The following ESRRG variants were observed in gnomAD, a reference collection of about 807,000 sequenced individuals.
The protein encoded by ESRRG is estrogen related receptor gamma.
In ESRRG, 13 loss-of-function variants were observed where a neutral mutation model predicts 44.0. The observed-to-expected ratio is 0.30, with a 90% CI of 0.19 to 0.47. The LOEUF is 0.47. Among genes scored for constraint, ESRRG ranks in the 20% least tolerant of loss-of-function variants. The probability of loss-of-function intolerance (pLI) is 1.00; values close to 1 mark genes in which losing one functional copy is unlikely to be tolerated. For missense variants in ESRRG, 395 were observed against 580.6 expected, an observed-to-expected ratio of 0.68 and a Z score of 3.29; for synonymous variants, 215 against 214.6, an observed-to-expected ratio of 1.00 and a Z score of -0.02.
At chr1:216,546,955 A>T (rs1440815970) in intron 5 of ESRRG, among the ~76,000 whole-genome samples, 1 of 151,448 alleles carries the variant, frequency 6.6e-6, no homozygotes, top group Non-Finnish European at 1.5e-5. Flanking sequence ...CCCCTCCCCT[A>T]GCCCCCCATC....
At chr1:216,876,038 C>A (rs1242297954) in intron 2 of ESRRG, among the ~76,000 whole-genome samples, 1 of 152,086 alleles carries the variant, frequency 6.6e-6, no homozygotes, top group Non-Finnish European at 1.5e-5. Context: ...AGGCTTATGA[C>A]CAATGTAATC....
At chr1:217,120,402 G>T (rs77699203) in intron 1 of ESRRG, among the ~76,000 whole-genome samples, 3,333 of 150,622 alleles carry the variant, frequency 0.022, 129 homozygotes, top group African/African-American at 0.077. Context: ...AACAAGTCTA[G>T]TATCATCCAA....
At chr1:217,098,248 A>G (rs1018769031) in intron 1 of ESRRG, among the ~76,000 whole-genome samples, 5 of 152,142 alleles carry the variant, frequency 3.3e-5, no homozygotes, top group Non-Finnish European at 7.3e-5. Flanking sequence ...CCCTAGACAG[A>G]GTCATCACAG....
intron 5 of ESRRG, among the ~76,000 whole-genome samples, chr1:216,551,151 A>T (rs947238640): frequency 6.6e-6 from 1 of 152,214 alleles, no homozygotes; most frequent in Admixed American, 6.5e-5. Flanking sequence ...AAATATTTTG[A>T]TAATGCATAA....
chr1:216,585,981 A>G (rs956121242), intron 3 of ESRRG, among the ~76,000 whole-genome samples: 2 of 152,064 alleles, frequency 1.3e-5, no homozygotes, highest in African/African-American at 4.8e-5. Flanking sequence ...CGGAGCTTGC[A>G]GTGAGCCGAG....
chr1:216,531,437 T>C (rs1392363916), intron 5 of ESRRG, among the ~76,000 whole-genome samples: 1 of 152,076 alleles, frequency 6.6e-6, no homozygotes. Flanking sequence ...CATTATGGCT[T>C]GGCATACGTT....
rs559942990 is a variant in ESRRG at position 216,937,208 on chromosome 1, A to T, written c.-14+2374T>A. Among the ~76,000 whole-genome samples, 72 of 152,236 alleles carry T rather than the reference A, an allele frequency of 4.7e-4. 2 individuals carry two copies. The South Asian group carries it at 0.013, about 28-fold the overall frequency. On this transcript the variant is annotated intron_variant, in intron 2 of 7. Coordinates refer to the ESRRG transcript ENST00000359162. ...ATAAATAAATAGAATTGACAAAGAC[A>T]TTAAAGATGGAAACAATAAAAATAG...
intron 1 of ESRRG, among the ~76,000 whole-genome samples, chr1:217,069,673 A>C (rs1380186094): frequency 3.3e-5 from 5 of 152,022 alleles, no homozygotes; most frequent in Admixed American, 2.0e-4. Context: ...TCTTCAAAAC[A>C]AACATGCAAA....
At chr1:216,713,585 G>A (rs1289107273) in intron 1 of ESRRG, among the ~76,000 whole-genome samples, 1 of 152,184 alleles carries the variant, frequency 6.6e-6, no homozygotes, top group Non-Finnish European at 1.5e-5. Flanking sequence ...GAATTGGAGT[G>A]GAGAAAGGAG....
chr1:216,954,421 C>T (rs1234097178), intron 1 of ESRRG, among the ~76,000 whole-genome samples: 3 of 152,086 alleles, frequency 2.0e-5, no homozygotes, highest in African/African-American at 7.2e-5. Flanking sequence ...ATTCTATATC[C>T]TGGAAATTCC....
At chr1:217,060,891 C>T (rs932656549) in intron 1 of ESRRG, among the ~76,000 whole-genome samples, 67 of 152,068 alleles carry the variant, frequency 4.4e-4, no homozygotes, top group African/African-American at 1.5e-3. Context: ...AACAAATGTA[C>T]AGGAATCTTC....
At chr1:216,637,258 C>T (rs899867425) in intron 3 of ESRRG, among the ~76,000 whole-genome samples, 1 of 152,156 alleles carries the variant, frequency 6.6e-6, no homozygotes, top group African/African-American at 2.4e-5. Flanking sequence ...TTATTCAAAC[C>T]ATCTCTAGGA....
At chr1:216,692,195 T>C (rs868769771) in intron 1 of ESRRG, among the ~76,000 whole-genome samples, 2 of 152,064 alleles carry the variant, frequency 1.3e-5, no homozygotes, top group Admixed American at 6.5e-5. Flanking sequence ...ATTGTTGTCA[T>C]AGGAGATGAA....
intron 2 of ESRRG, among the ~76,000 whole-genome samples, chr1:216,773,505 C>T (rs1226489256): frequency 2.0e-5 from 3 of 151,990 alleles, no homozygotes; most frequent in Non-Finnish European, 4.4e-5. Context: ...CAATTGTAGT[C>T]AACTATGAAA....
rs765126790 is a variant in ESRRG, at chr1:216,651,118, C to T, written c.473-29G>A. 3 of 1,383,808 alleles carry T rather than the reference C, an allele frequency of 2.2e-6. No homozygotes were observed. In the Admixed American group the frequency reaches 5.0e-5, roughly 23 times the overall value. The allele number at this position is 1,383,808 out of a possible 1,614,324, so 85.7% of individuals were successfully genotyped here. ...AAACACAAGTTTGAAGAAAAGTTGTCATATTTACAAGATCCAGGAAACATT... is the reference window on the plus strand; with the variant it reads ...AAACACAAGTTTGAAGAAAAGTTGTTATATTTACAAGATCCAGGAAACATT... On this transcript the variant is annotated intron_variant, in intron 2 of 6. Coordinates refer to ENST00000408911, the MANE Select transcript of ESRRG (RefSeq NM_001438.4).
At chr1:216,790,545 G>T (rs895609976) in intron 2 of ESRRG, among the ~76,000 whole-genome samples, 9 of 152,102 alleles carry the variant, frequency 5.9e-5, no homozygotes, top group African/African-American at 2.2e-4. Flanking sequence ...GTAAGGTTTG[G>T]ATAGGATTTT....
Position 216,677,067 on chromosome 1 carries a change from G to T in ESRRG, c.472+9C>A, listed in dbSNP as rs6691085. On this transcript the variant is annotated intron_variant, in intron 2 of 6. Coordinates refer to ENST00000408911, the MANE Select transcript of ESRRG (RefSeq NM_001438.4). Reference sequence around the variant, plus strand: ...AAGTGGGGAGAGTATTCCCAGGTCCGACACTAACCTTGAATTGTCCTCTTG... The same window carrying T: ...AAGTGGGGAGAGTATTCCCAGGTCCTACACTAACCTTGAATTGTCCTCTTG... The T allele has an allele frequency of 1.2e-6, 2 of 1,608,544 alleles. No homozygotes were observed. The highest frequency in any genetic ancestry group is 1.1e-5 in the South Asian group (1 of 90,746).
chr1:217,073,228 A>AAAAAC (rs2090827415), intron 1 of ESRRG, among the ~76,000 whole-genome samples: 1 of 143,990 alleles, frequency 6.9e-6, no homozygotes, highest in Non-Finnish European at 1.5e-5. Flanking sequence ...AAAAAAAAAA[A>AAAAAC]ATCCTCATGA....
chr1:216,777,923 C>T (rs564753508), intron 2 of ESRRG, among the ~76,000 whole-genome samples: 28 of 152,108 alleles, frequency 1.8e-4, no homozygotes, highest in Non-Finnish European at 4.1e-4. Flanking sequence ...ACCAGGCTTG[C>T]TATCAACAGT....
Sources: allele counts gnomAD v4.1 joint callset (sites outside exome capture counted in the v4.1 genomes callset), GRCh38; gene constraint gnomAD v4.1.1; transcripts MANE v1.5; gene names NCBI Gene and HGNC (gene_info 2026-07-23, HGNC 2026-07-21).